Variants in RHBDL2 observed in about 807,000 individuals in gnomAD.
RHBDL2 encodes rhomboid like 2, also known as rhomboid-related protein 2.
RHBDL2 carries 26 observed loss-of-function variants against 31.7 expected under a neutral mutation model. The observed-to-expected ratio is 0.82, with a 90% CI of 0.60 to 1.14. The LOEUF (loss-of-function observed/expected upper bound fraction) is 1.14, where lower values mean the gene tolerates loss of function less well. Ranked by LOEUF, RHBDL2 falls within the 50% of genes most tolerant of loss-of-function variation. The pLI, the probability that RHBDL2 is intolerant of heterozygous loss-of-function variation, is 0.00. For synonymous variants in RHBDL2, 123 were observed against 127.2 expected (o/e 0.97, Z 0.22); for missense variants, 336 against 364.4 (o/e 0.92, Z 0.63).
At chr1:38,888,362 G>T (rs1298181001) in intron 6 of RHBDL2, among the ~76,000 whole-genome samples, 13 of 151,866 alleles carry the variant, frequency 8.6e-5, no homozygotes, top group Non-Finnish European at 1.5e-5. Flanking sequence ...ATGTGGGGGG[G>T]TGATTGGTAG....
intron 4 of RHBDL2, among the ~76,000 whole-genome samples, chr1:38,899,528 C>G (rs889376064): frequency 6.6e-6 from 1 of 152,224 alleles, no homozygotes. Context: ...ATGCTGACCC[C>G]TGAACTCCTA....
In RHBDL2 at chr1:38,915,687, A is replaced by T. The variant is rs1643224772; in HGVS notation, c.270T>A (p.Ala90=). Residue 90 remains alanine, a synonymous_variant, in exon 3 of 8, where the codon GCT becomes GCA. Coordinates refer to ENST00000372990, the MANE Select transcript of RHBDL2 (RefSeq NM_017821.5). ...TCCACTGTTTCTGAGGCTTCCACACAGCATAGTAAATAAACACTGCCAGCT... is the reference window on the plus strand; with the variant it reads ...TCCACTGTTTCTGAGGCTTCCACACTGCATAGTAAATAAACACTGCCAGCT... ...LAELAVFIYY[A]VWKPQKQWIT... The T allele has an allele frequency of 3.1e-6, 5 of 1,614,124 alleles. No individual in the cohort carries two copies. Among genetic ancestry groups the T allele is most frequent in the Non-Finnish European group, 4.2e-6 (5 of 1,180,014 alleles).
intron 3 of RHBDL2, 78 bp from the exon 4 acceptor site, chr1:38,911,512 A>T: frequency 1.1e-6 from 1 of 932,538 alleles, no homozygotes; most frequent in Non-Finnish European, 1.7e-6. Flanking sequence ...ACAGACTTTC[A>T]TGTGTTTTCT....
In RHBDL2 at chr1:38,914,115, C is replaced by CA. The variant is rs1165376807; in HGVS notation, c.395+1446dup. 6.2e-3 allele frequency among the ~76,000 whole-genome samples: 763 copies of CA among 123,890 alleles called. 8 individuals carry two copies. Among genetic ancestry groups the CA allele is most frequent in the Non-Finnish European group, 5.8e-3 (334 of 57,978 alleles). 81.3% of individuals were successfully genotyped at this position (123,890 alleles called of 152,430 possible). On this transcript the variant is annotated intron_variant, in intron 3 of 7. Coordinates refer to ENST00000372990, the MANE Select transcript of RHBDL2 (RefSeq NM_017821.5). ...CTGGCGATAGAGCTAGACTCTATCT[C>CA]AAAAAAAAAAAAGAAAGAAAGAAAC...
intron 4 of RHBDL2, among the ~76,000 whole-genome samples, chr1:38,900,540 G>C (rs544124561): frequency 6.6e-6 from 1 of 152,206 alleles, no homozygotes; most frequent in Non-Finnish European, 1.5e-5. Context: ...AGAATCGCTT[G>C]AGCCTGAGAG....
intron 1 of RHBDL2, chr1:38,926,214 C>T (rs937952104): frequency 9.0e-7 from 1 of 1,108,070 alleles, no homozygotes; most frequent in East Asian, 6.9e-5. Flanking sequence ...AAATTCTTTA[C>T]AGTGGTTGCA....
intron 4 of RHBDL2, among the ~76,000 whole-genome samples, chr1:38,899,123 A>T (rs946479590): frequency 2.6e-5 from 4 of 152,194 alleles, no homozygotes; most frequent in Non-Finnish European, 5.9e-5. Flanking sequence ...TTTGAACAGG[A>T]TTTGAGGTAA....
At chr1:38,918,375 G>C (rs894754921) in intron 2 of RHBDL2, among the ~76,000 whole-genome samples, 1 of 152,114 alleles carries the variant, frequency 6.6e-6, no homozygotes, top group Non-Finnish European at 1.5e-5. Flanking sequence ...TAGGTGCCAC[G>C]AGGTACAGGG....
chr1:38,886,503 G>A lies in RHBDL2; in HGVS notation c.*1C>T, dbSNP rs1200879772. The A allele has an allele frequency of 6.4e-7, 1 of 1,566,214 alleles. No homozygotes were observed. Among genetic ancestry groups the A allele is most frequent in the African/African-American group, 1.4e-5 (1 of 73,952 alleles). ...ATTAATTGACTTACAATAGGGGCAGGTCAGTTTGCTGGAGATAGGAAAATG... is the reference window on the plus strand; with the variant it reads ...ATTAATTGACTTACAATAGGGGCAGATCAGTTTGCTGGAGATAGGAAAATG... On this transcript the variant is annotated 3_prime_UTR_variant, in exon 8 of 8. Coordinates refer to ENST00000372990, the MANE Select transcript of RHBDL2 (RefSeq NM_017821.5).
intron 1 of RHBDL2, among the ~76,000 whole-genome samples, chr1:38,920,265 T>C (rs1643294499): frequency 6.7e-6 from 1 of 149,250 alleles, no homozygotes; most frequent in Non-Finnish European, 1.5e-5. Flanking sequence ...CCTCCCAGGT[T>C]CAAGCGATTC....
chr1:38,933,687 G>A (rs1045529619), intron 1 of RHBDL2, among the ~76,000 whole-genome samples: 12 of 151,434 alleles, frequency 7.9e-5, no homozygotes, highest in East Asian at 1.9e-4. Context: ...ACACATGGCC[G>A]GCGATGTTTA....
At chr1:38,911,578 ACT>A in intron 3 of RHBDL2, 144 bp from the exon 4 acceptor site, 3 of 566,722 alleles carry the variant, frequency 5.3e-6, no homozygotes, top group Admixed American at 6.1e-5. Flanking sequence ...TTCGCAGACA[ACT>A]CTTTTTTTCT....
intron 1 of RHBDL2, among the ~76,000 whole-genome samples, chr1:38,925,221 G>C (rs180998608): frequency 6.6e-6 from 1 of 152,170 alleles, no homozygotes; most frequent in East Asian, 1.9e-4. Context: ...AGCCAGGCCA[G>C]GCATGGTAGC....
chr1:38,925,474 G>A (rs1055770152), intron 1 of RHBDL2, among the ~76,000 whole-genome samples: 1 of 151,330 alleles, frequency 6.6e-6, no homozygotes, highest in Non-Finnish European at 1.5e-5. Context: ...CTGAGATTTT[G>A]CCACTGCATT....
intron 1 of RHBDL2, among the ~76,000 whole-genome samples, chr1:38,935,836 A>T (rs896479436): frequency 5.9e-5 from 9 of 151,450 alleles, no homozygotes; most frequent in Non-Finnish European, 1.3e-4. Flanking sequence ...CTGGTCTCGA[A>T]CTCCTGAGCT....
At chr1:38,905,651 C>A (rs1035205713) in intron 4 of RHBDL2, among the ~76,000 whole-genome samples, 2 of 149,754 alleles carry the variant, frequency 1.3e-5, no homozygotes, top group Non-Finnish European at 3.0e-5. Context: ...TACTTTGAGG[C>A]TGAGACACAA....
In RHBDL2 at chr1:38,890,894, A is replaced by G. The variant is rs114220960; in HGVS notation, c.670+2270T>C. On this transcript the variant is annotated intron_variant, in intron 6 of 7. Transcript: ENST00000372990. ...TTTTTTGTAGAGACAGAGTCTCCCTATGTTTCACAGGATGGTCTCAAACAT... is the reference window on the plus strand; with the variant it reads ...TTTTTTGTAGAGACAGAGTCTCCCTGTGTTTCACAGGATGGTCTCAAACAT... 4.5e-3 allele frequency among the ~76,000 whole-genome samples: 690 copies of G among 152,206 alleles called. 2 individuals carry two copies. Among genetic ancestry groups the G allele is most frequent in the African/African-American group, 0.014 (572 of 41,530 alleles).
At chr1:38,927,956 A>T (rs1643396150) in intron 1 of RHBDL2, among the ~76,000 whole-genome samples, 1 of 152,072 alleles carries the variant, frequency 6.6e-6, no homozygotes, top group Admixed American at 6.6e-5. Flanking sequence ...CTGACTCCAA[A>T]GCCCCCACAT....
chr1:38,928,759 A>T (rs6687991), intron 1 of RHBDL2, among the ~76,000 whole-genome samples: 23,836 of 151,914 alleles, frequency 0.16, 3,874 homozygotes, highest in African/African-American at 0.41. Flanking sequence ...TAAAAAAAAA[A>T]TTTTAAATAA....
Sources: allele counts gnomAD v4.1 joint callset (sites outside exome capture counted in the v4.1 genomes callset), GRCh38; gene constraint gnomAD v4.1.1; transcripts MANE v1.5; gene names NCBI Gene and HGNC (gene_info 2026-07-23, HGNC 2026-07-21).